Variants in ELAVL2 observed in about 807,000 individuals in gnomAD.
ELAVL2 encodes the protein ELAV like RNA binding protein 2, also known as ELAV-like protein 2.
In ELAVL2, 4 loss-of-function variants were observed where a neutral mutation model predicts 34.6. The observed-to-expected ratio is 0.12, with a 90% CI of 0.06 to 0.26. The LOEUF (loss-of-function observed/expected upper bound fraction) is 0.26, where lower values mean the gene tolerates loss of function less well. Among genes scored for constraint, ELAVL2 ranks in the 10% least tolerant of loss-of-function variants. The pLI, the probability that ELAVL2 is intolerant of heterozygous loss-of-function variation, is 1.00. For missense variants in ELAVL2, 432 were observed against 442.8 expected, an observed-to-expected ratio of 0.98 and a Z score of 0.22; for synonymous variants, 193 against 154.8, an observed-to-expected ratio of 1.25 and a Z score of -1.83.
At chr9:23,767,354 T>C (rs569467307) in intron 1 of ELAVL2, among the ~76,000 whole-genome samples, 13 of 152,322 alleles carry the variant, frequency 8.5e-5, no homozygotes, top group African/African-American at 3.1e-4. Flanking sequence ...AATAGTTTCC[T>C]GGTCACATGA....
At chr9:23,715,384 G>A (rs1319091252) in intron 3 of ELAVL2, among the ~76,000 whole-genome samples, 1 of 151,950 alleles carries the variant, frequency 6.6e-6, no homozygotes, top group African/African-American at 2.4e-5. Context: ...TCCTGACCTC[G>A]TGAGCCGCCC....
intron 1 of ELAVL2, among the ~76,000 whole-genome samples, chr9:23,791,856 A>G (rs951174159): frequency 6.6e-6 from 1 of 152,190 alleles, no homozygotes; most frequent in Non-Finnish European, 1.5e-5. Flanking sequence ...TACCCAGGCT[A>G]TGGTATTCTG....
At chr9:23,809,719 C>T (rs942266762) in intron 1 of ELAVL2, among the ~76,000 whole-genome samples, 9 of 152,244 alleles carry the variant, frequency 5.9e-5, no homozygotes, top group Non-Finnish European at 1.3e-4. Context: ...TAAAAACACA[C>T]TATGTGAGAG....
chr9:23,722,468 T>C lies in ELAVL2; in HGVS notation c.333+8554A>G, dbSNP rs568208570. Among the ~76,000 whole-genome samples the C allele has an allele frequency of 1.3e-3, 195 of 152,362 alleles. 1 individual carries two copies. The Middle Eastern group carries it at 0.014, about 11-fold the overall frequency. ...GTCTGGCTGTCTCAAGTGCTCACTC[T>C]GCAAGAGGGCAGAGTTCTTCACTCC... On this transcript the variant is annotated intron_variant, in intron 3 of 6. Transcript: ENST00000397312.
At chr9:23,695,418 C>T (rs541870116) in intron 5 of ELAVL2, among the ~76,000 whole-genome samples, 4 of 594 alleles carry the variant, frequency 6.7e-3, no homozygotes, top group African/African-American at 0.034. Flanking sequence ...ACTCAGGACA[C>T]CAAGCATACG....
the ELAVL2 span, among the ~76,000 whole-genome samples, chr9:23,850,230 C>T: frequency 6.7e-6 from 1 of 149,538 alleles, no homozygotes; most frequent in Non-Finnish European, 1.5e-5. Context: ...ACCACCACCA[C>T]CACCACCCCC....
rs548098833 is a variant in ELAVL2, at chr9:23,723,258, C to A, written c.333+7764G>T. 1.3e-4 allele frequency among the ~76,000 whole-genome samples: 20 copies of A among 152,226 alleles called. No homozygotes were observed. The South Asian group carries it at 1.7e-3, about 13-fold the overall frequency. On this transcript the variant is annotated intron_variant, in intron 3 of 6. Coordinates refer to ENST00000397312, the MANE Select transcript of ELAVL2 (RefSeq NM_004432.5). The stretch of plus-strand genomic sequence containing the variant: ...ATGCAGCCATAAAAAATGATGAGTT[C>A]ATGTCCTTTGTAGGGACATGGATGA...
chr9:23,725,065 T>C (rs1160241171), intron 3 of ELAVL2, among the ~76,000 whole-genome samples: 2 of 152,004 alleles, frequency 1.3e-5, no homozygotes, highest in Admixed American at 6.6e-5. Context: ...TCACAGGAAA[T>C]AACAAACTAC....
At chr9:23,721,987 A>G (rs1451755528) in intron 3 of ELAVL2, among the ~76,000 whole-genome samples, 1 of 152,178 alleles carries the variant, frequency 6.6e-6, no homozygotes, top group Non-Finnish European at 1.5e-5. Flanking sequence ...GCTGCTACCC[A>G]TAGCCCCCGA....
At chr9:23,721,661 A>G (rs2043760070) in intron 3 of ELAVL2, among the ~76,000 whole-genome samples, 2 of 152,170 alleles carry the variant, frequency 1.3e-5, no homozygotes, top group South Asian at 4.1e-4. Flanking sequence ...GTGTGGGTGC[A>G]CTTAATATGG....
chr9:23,697,554 T>C (rs578051991), intron 5 of ELAVL2, among the ~76,000 whole-genome samples: 22 of 152,322 alleles, frequency 1.4e-4, no homozygotes, highest in African/African-American at 5.3e-4. Flanking sequence ...ACATATGTAA[T>C]TTATGAAAAA....
At chr9:23,704,708 G>A (rs1266665714) in intron 4 of ELAVL2, among the ~76,000 whole-genome samples, 2 of 152,152 alleles carry the variant, frequency 1.3e-5, no homozygotes, top group African/African-American at 4.8e-5. Flanking sequence ...CACCTTCAGG[G>A]TGGAAATGAC....
the ELAVL2 span, among the ~76,000 whole-genome samples, chr9:23,841,582 C>T: frequency 6.6e-6 from 1 of 152,130 alleles, no homozygotes. Flanking sequence ...TTAGAAATGA[C>T]TCTGCAATGT....
chr9:23,746,440 G>C (rs1002593188), intron 2 of ELAVL2, among the ~76,000 whole-genome samples: 8 of 152,272 alleles, frequency 5.3e-5, no homozygotes, highest in South Asian at 2.1e-4. Flanking sequence ...AAGAGTCACA[G>C]AGCGTTTTCA....
At chr9:23,694,291 G>A (rs560525339) in intron 5 of ELAVL2, among the ~76,000 whole-genome samples, 28 of 151,976 alleles carry the variant, frequency 1.8e-4, no homozygotes, top group Non-Finnish European at 3.8e-4. Context: ...AGTAAATAGG[G>A]GTGGGGGTGG....
intron 3 of ELAVL2, among the ~76,000 whole-genome samples, chr9:23,720,170 C>A (rs1396654820): frequency 2.0e-5 from 3 of 148,426 alleles, no homozygotes; most frequent in Admixed American, 6.7e-5. Context: ...CTATAAGACA[C>A]CCTTTCACCT....
At chr9:23,737,824 A>C (rs1447232160) in intron 2 of ELAVL2, among the ~76,000 whole-genome samples, 1 of 152,246 alleles carries the variant, frequency 6.6e-6, no homozygotes, top group Admixed American at 6.5e-5. Context: ...GAAGACTTGC[A>C]ACCTGAGGTT....
chr9:23,698,593 G>GA (rs1234396727), intron 5 of ELAVL2, among the ~76,000 whole-genome samples: 8 of 152,272 alleles, frequency 5.3e-5, no homozygotes, highest in African/African-American at 1.7e-4. Flanking sequence ...CATGTCTGCT[G>GA]AAAGGTGACA....
chr9:23,787,703 A>G (rs539364656), intron 1 of ELAVL2, among the ~76,000 whole-genome samples: 1 of 152,286 alleles, frequency 6.6e-6, no homozygotes, highest in South Asian at 2.1e-4. Flanking sequence ...GCTTCACCCC[A>G]GACCAATTAA....
Sources: gnomAD v4.1 joint callset for allele counts (sites outside exome capture counted in the v4.1 genomes callset) on GRCh38, gnomAD v4.1.1 for gene constraint, MANE v1.5 for transcripts, NCBI Gene and HGNC (gene_info 2026-07-23, HGNC 2026-07-21) for gene names.